The following ANO4 variants were observed in gnomAD, a reference collection of about 807,000 sequenced individuals.
ANO4 encodes the protein anoctamin 4.
ANO4 carries 69 observed loss-of-function variants against 141.9 expected under a neutral mutation model. The ratio of observed to expected loss-of-function variants is 0.49; its 90% CI spans 0.40 to 0.59. ANO4 has a LOEUF of 0.59. ANO4 is among the 20% of genes least tolerant of loss of function. The probability of loss-of-function intolerance (pLI) is 0.00; values close to 1 mark genes in which losing one functional copy is unlikely to be tolerated. For missense variants in ANO4, 894 were observed against 1,162.2 expected (o/e 0.77, Z 3.36); for synonymous variants, 350 against 394.3 (o/e 0.89, Z 1.33).
At chr12:100,948,050 C>T (rs1206643165) in intron 5 of ANO4, among the ~76,000 whole-genome samples, 9 of 149,168 alleles carry the variant, frequency 6.0e-5, no homozygotes, top group Middle Eastern at 3.2e-3. Context: ...AAAAATTAGC[C>T]GGCTGTGGTG....
intron 1 of ANO4, among the ~76,000 whole-genome samples, chr12:100,801,564 G>C (rs79493819): frequency 0.011 from 1,588 of 150,662 alleles, 33 homozygotes; most frequent in Non-Finnish European, 0.011. Context: ...GTGAGGGTTT[G>C]TCCCATGTGT....
intron 3 of ANO4, among the ~76,000 whole-genome samples, chr12:100,760,710 C>T (rs1037459495): frequency 9.2e-5 from 14 of 152,210 alleles, no homozygotes; most frequent in East Asian, 5.8e-4. Flanking sequence ...TTTGGTTACA[C>T]CCATGTCAGT....
At chr12:100,815,972 A>G (rs1295773063) in intron 1 of ANO4, among the ~76,000 whole-genome samples, 2 of 152,102 alleles carry the variant, frequency 1.3e-5, no homozygotes, top group African/African-American at 2.4e-5. Context: ...GGTAGGATCT[A>G]TGGAGTGAAG....
At chr12:100,894,722 T>C (rs2136002437) in intron 1 of ANO4, among the ~76,000 whole-genome samples, 1 of 151,988 alleles carries the variant, frequency 6.6e-6, no homozygotes, top group African/African-American at 2.4e-5. Context: ...TCCAGAAAAC[T>C]TTGGGAGGCC....
intron 3 of ANO4, among the ~76,000 whole-genome samples, chr12:100,923,874 T>C (rs1592729435): frequency 1.3e-5 from 2 of 152,342 alleles, no homozygotes; most frequent in South Asian, 2.1e-4. Context: ...GATTTGCATT[T>C]CTCTGATGGC....
chr12:100,741,979 A>T (rs17030521), intron 3 of ANO4, among the ~76,000 whole-genome samples: 16,035 of 152,150 alleles, frequency 0.11, 1,170 homozygotes, highest in South Asian at 0.21. Flanking sequence ...AGAGCACTAT[A>T]CTCAGAGTCA....
Position 101,096,601 on chromosome 12 carries a change from G to C in ANO4, c.1804G>C (p.Val602Leu), listed in dbSNP as rs2049993284. Residue 602 changes from valine to leucine, a missense_variant, in exon 19 of 28, where the codon GTC becomes CTC. By Grantham distance (32) the Val-to-Leu change is conservative. Around this residue, in one of 2 missense-constraint regions of ANO4, gnomAD observed 637 missense variants for 909.2 expected, o/e 0.70. Transcript: ENST00000392977. ...FTLKMFLFQF[V>L]NLNSSTFYIA... ...CCTGAAAATGTTTCTTTTTCAGTTT[G>C]TCAATCTGAACAGCTCCACATTTTA... 3.1e-6 allele frequency: 5 copies of C among 1,613,432 alleles called. No individual in the cohort carries two copies. The East Asian group carries it at 8.9e-5, about 29-fold the overall frequency.
At chr12:100,955,275 T>C (rs2043134182) in intron 5 of ANO4, among the ~76,000 whole-genome samples, 1 of 152,240 alleles carries the variant, frequency 6.6e-6, no homozygotes, top group African/African-American at 2.4e-5. Flanking sequence ...CCATAGGACA[T>C]CAGTCGGAGC....
In ANO4 at chr12:100,734,297, T is replaced by C. The variant is rs866374460; in HGVS notation, c.106+440T>C. On this transcript the variant is annotated intron_variant, in intron 2 of 29. Transcript: ENST00000644049. ...TGCTAAGCAAGTGTTAGAGTGCTGC[T>C]GAAAATCAAAGTGAGACTTTCTCCT... Among the ~76,000 whole-genome samples, 2 of 152,240 alleles carry C rather than the reference T, an allele frequency of 1.3e-5. 1 individual carries two copies. Among genetic ancestry groups the C allele is most frequent in the African/African-American group, 4.8e-5 (2 of 41,472 alleles).
At chr12:101,044,440 G>A (rs996478827) in intron 13 of ANO4, among the ~76,000 whole-genome samples, 1 of 152,108 alleles carries the variant, frequency 6.6e-6, no homozygotes, top group African/African-American at 2.4e-5. Context: ...TGATACTTAG[G>A]TGGTGGTGTC....
intron 3 of ANO4, among the ~76,000 whole-genome samples, chr12:100,781,994 A>G (rs541776222): frequency 3.3e-5 from 5 of 152,220 alleles, no homozygotes; most frequent in Non-Finnish European, 5.9e-5. Context: ...GGCAATCTGG[A>G]AACTGTTCAT....
At chr12:101,013,608 A>G (rs577014823) in intron 8 of ANO4, among the ~76,000 whole-genome samples, 3 of 152,312 alleles carry the variant, frequency 2.0e-5, no homozygotes, top group African/African-American at 2.4e-5. Flanking sequence ...TTGTTTATCC[A>G]TGCTGTTCAT....
chr12:100,820,781 GTTAATCA>G (rs1335676951), intron 1 of ANO4, among the ~76,000 whole-genome samples: 2 of 152,044 alleles, frequency 1.3e-5, no homozygotes, highest in African/African-American at 4.8e-5. Flanking sequence ...GGGTTGCAAT[GTTAATCA>G]TTTTTTCATG....
At position 101,068,604 on chromosome 12, in the gene ANO4, T is replaced by C. The variant is rs1022022103; in HGVS notation, c.1313-10589T>C. ...TTCAAAAGTGTGGTGAAAGTGCTGA[T>C]GCAGTCCTTTTTACTGGAGTTAAGG... is the stretch of plus-strand genomic sequence containing the variant. On this transcript the variant is annotated intron_variant, in intron 14 of 27. Coordinates refer to ENST00000392977, the MANE Select transcript of ANO4 (RefSeq NM_001286615.2). 6.3e-6 allele frequency: 9 copies of C among 1,422,164 alleles called. No individual in the cohort carries two copies. In the South Asian group the frequency reaches 8.0e-5, roughly 13 times the overall value. 88.1% of individuals were successfully genotyped at this position (1,422,164 alleles called of 1,614,324 possible).
At chr12:100,806,680 G>C (rs2035075224) in intron 1 of ANO4, among the ~76,000 whole-genome samples, 1 of 151,314 alleles carries the variant, frequency 6.6e-6, no homozygotes, top group South Asian at 2.1e-4. Context: ...GAGTAGCTGA[G>C]ATTACAGGTG....
intron 1 of ANO4, among the ~76,000 whole-genome samples, chr12:100,874,665 A>G (rs2039205850): frequency 6.6e-6 from 1 of 152,066 alleles, no homozygotes; most frequent in Non-Finnish European, 1.5e-5. Context: ...AATTACAGGT[A>G]TGCACCAACC....
At chr12:100,909,741 G>T (rs559371142) in intron 2 of ANO4, among the ~76,000 whole-genome samples, 1 of 152,254 alleles carries the variant, frequency 6.6e-6, no homozygotes, top group East Asian at 1.9e-4. Flanking sequence ...CATTACACTG[G>T]TTCTGAAAGC....
intron 3 of ANO4, among the ~76,000 whole-genome samples, chr12:100,762,075 A>T (rs1419408418): frequency 6.6e-6 from 1 of 152,220 alleles, no homozygotes; most frequent in Non-Finnish European, 1.5e-5. Flanking sequence ...CAAAAGTAGT[A>T]GAAACCTTAC....
intron 3 of ANO4, among the ~76,000 whole-genome samples, chr12:100,923,963 T>G (rs558505930): frequency 7.9e-5 from 12 of 152,280 alleles, no homozygotes; most frequent in African/African-American, 2.9e-4. Flanking sequence ...TCATATCCTT[T>G]GCCCACTTTT....
Sources: allele counts gnomAD v4.1 joint callset (sites outside exome capture counted in the v4.1 genomes callset), GRCh38; gene constraint gnomAD v4.1.1; regional missense constraint gnomAD v4.1.1; transcripts MANE v1.5; gene names NCBI Gene and HGNC (gene_info 2026-07-23, HGNC 2026-07-21).